Variants in RAB37 observed in about 807,000 individuals in gnomAD.
The protein encoded by RAB37 is RAB37, member RAS oncogene family.
A neutral mutation model predicts 33.1 loss-of-function variants in RAB37; 29 were observed. That is an observed-to-expected ratio of 0.88 (90% confidence interval 0.65 to 1.20). The LOEUF is 1.20. Ranked by LOEUF, RAB37 falls within the 50% of genes most tolerant of loss-of-function variation. The pLI is 0.00. For missense variants in RAB37, 299 were observed against 301.1 expected (o/e 0.99, Z 0.05); for synonymous variants, 128 against 119.5 (o/e 1.07, Z -0.47).
intron 1 of RAB37, among the ~76,000 whole-genome samples, chr17:74,722,218 G>A (rs1303995564): frequency 1.3e-5 from 2 of 151,636 alleles, no homozygotes; most frequent in Admixed American, 6.6e-5. Context: ...GGGAGGCAGA[G>A]CTTGCAGTGA....
At position 74,742,914 on chromosome 17, in the gene RAB37, C is replaced by T. The variant is rs777468099; in HGVS notation, c.247-215C>T. ...TGCTGGGATTACAGGTGTAAGCCAC[C>T]GCGCTCGGCTGAGGAGATGATTTTG... On this transcript the variant is annotated intron_variant, in intron 3 of 8. Transcript: ENST00000392613. The surrounding 1 kb of genome is among the most constrained non-coding windows in gnomAD (Gnocchi z 4.0). Among the ~76,000 whole-genome samples, 1 of 152,118 alleles carries T rather than the reference C, an allele frequency of 6.6e-6. No individual in the cohort carries two copies. The highest frequency in any genetic ancestry group is 1.5e-5 in the Non-Finnish European group (1 of 68,022).
intron 1 of RAB37, among the ~76,000 whole-genome samples, chr17:74,725,471 T>C (rs903366915): frequency 6.6e-6 from 1 of 152,108 alleles, no homozygotes; most frequent in African/African-American, 2.4e-5. Flanking sequence ...TTTGGCCATG[T>C]GGACACCTCG....
At position 74,746,347 on chromosome 17, in the gene RAB37, CGAAGTAGCT is replaced by C. The variant is rs1247719793; in HGVS notation, c.*938_*946del. The C allele has an allele frequency of 2.0e-5, 3 of 152,226 alleles. No homozygotes were observed. The highest frequency in any genetic ancestry group is 2.0e-4 in the Admixed American group (3 of 15,278). The allele number at this position is 152,226 out of a possible 1,614,324, so 9.4% of individuals were successfully genotyped here. ...CAAGCGATCCTCCCACCTCAGCCGC[CGAAGTAGCT>C]GGGACTATAGGTGTGTACCATCACA... On this transcript the variant is annotated 3_prime_UTR_variant, in exon 9 of 9. Coordinates refer to ENST00000392613, the MANE Select transcript of RAB37 (RefSeq NM_001006638.3). This position sits in a 1 kb window ranked among gnomAD's most constrained non-coding sequence, Gnocchi z 5.2.
At position 74,730,112 on chromosome 17, in the gene RAB37, C is replaced by A. The variant is rs903695458; in HGVS notation, c.183+746C>A. Among the ~76,000 whole-genome samples the A allele has an allele frequency of 2.6e-5, 4 of 152,184 alleles. No homozygotes were observed. The highest frequency in any genetic ancestry group is 5.9e-5 in the Non-Finnish European group (4 of 68,022). On this transcript the variant is annotated intron_variant, in intron 2 of 7. Transcript: ENST00000340415. This position sits in a 1 kb window ranked among gnomAD's most constrained non-coding sequence, Gnocchi z 4.4. ...CCGCGTTGTCCCGTGCCTGCGGCTGCAGCTGCCCTTGAATTCCTGGGAAGA... is the reference window on the plus strand; with the variant it reads ...CCGCGTTGTCCCGTGCCTGCGGCTGAAGCTGCCCTTGAATTCCTGGGAAGA...
At chr17:74,736,461 C>A, upstream of RAB37, 1 of 1,304,926 alleles carries the variant, frequency 7.7e-7, no homozygotes, top group Non-Finnish European at 1.0e-6. Flanking sequence ...CCTGGCAGCT[C>A]TGCTCAAAAT....
intron 1 of RAB37, among the ~76,000 whole-genome samples, chr17:74,709,502 TG>T (rs1423894123): frequency 2.0e-5 from 3 of 152,218 alleles, no homozygotes; most frequent in African/African-American, 7.2e-5. Flanking sequence ...TGCACTTTTT[TG>T]TACATTTTAT....
chr17:74,728,357 T>TTG (rs1003628034), intron 1 of RAB37, among the ~76,000 whole-genome samples: 1 of 151,532 alleles, frequency 6.6e-6, no homozygotes, highest in Non-Finnish European at 1.5e-5. Context: ...GTATTTGTGT[T>TTG]TGTGTGTGTA....
intron 1 of RAB37, chr17:74,677,448 C>G (rs2031859207): frequency 6.6e-6 from 1 of 151,968 alleles, no homozygotes; most frequent in African/African-American, 2.4e-5. Flanking sequence ...GCAAATTTGT[C>G]CTCAAAAGAA....
intron 1 of RAB37, among the ~76,000 whole-genome samples, chr17:74,716,712 A>AAG (rs372536172): frequency 0.096 from 14,315 of 149,058 alleles, 776 homozygotes; most frequent in East Asian, 0.16. Flanking sequence ...GGGGCAGAGA[A>AAG]AGAGAGAGAG....
At chr17:74,714,103 C>T (rs1220011063) in intron 1 of RAB37, among the ~76,000 whole-genome samples, 2 of 151,804 alleles carry the variant, frequency 1.3e-5, no homozygotes, top group African/African-American at 2.4e-5. Context: ...CCCAGTGACT[C>T]GGGAGGCCGA....
intron 1 of RAB37, among the ~76,000 whole-genome samples, chr17:74,692,049 G>A (rs1361986176): frequency 1.3e-5 from 2 of 151,924 alleles, no homozygotes; most frequent in African/African-American, 4.8e-5. Flanking sequence ...TGTATTTTTA[G>A]TAGAGACGGG....
At chr17:74,741,478 C>T (rs572878661) in intron 2 of RAB37, among the ~76,000 whole-genome samples, 34 of 151,248 alleles carry the variant, frequency 2.2e-4, no homozygotes, top group African/African-American at 8.3e-4. Context: ...CCCAGCTACT[C>T]GGGAGGCTGA....
Position 74,696,068 on chromosome 17 carries a change from G to A in RAB37, c.72+24410G>A. 2.3e-6 allele frequency: 3 copies of A among 1,327,202 alleles called. No individual in the cohort carries two copies. In the Admixed American group the frequency reaches 6.6e-5, roughly 29 times the overall value. The allele number at this position is 1,327,202 out of a possible 1,614,324, so 82.2% of individuals were successfully genotyped here. A position where few individuals can be genotyped will look rare whatever the true frequency, so the allele number is the denominator to read the frequency against. On this transcript the variant is annotated intron_variant, in intron 1 of 7. Coordinates refer to the RAB37 transcript ENST00000340415. ...GCCCTCAGCCCCCAGGCCCTGCAGG[G>A]TGCCATGAGGACAGGATACTTTGGC...
chr17:74,682,040 G>A (rs561865704), intron 1 of RAB37, among the ~76,000 whole-genome samples: 1 of 152,228 alleles, frequency 6.6e-6, no homozygotes, highest in Non-Finnish European at 1.5e-5. Flanking sequence ...TACATTCTAG[G>A]TCATTCCATT....
chr17:74,673,325 C>T (rs372924669), intron 1 of RAB37, among the ~76,000 whole-genome samples: 1 of 151,320 alleles, frequency 6.6e-6, no homozygotes. Flanking sequence ...ATTGCTTGAG[C>T]CTGGGAGGCA....
intron 1 of RAB37, among the ~76,000 whole-genome samples, chr17:74,706,339 T>C (rs1410670156): frequency 6.7e-6 from 1 of 148,770 alleles, no homozygotes; most frequent in Non-Finnish European, 1.5e-5. Flanking sequence ...CAACTGTGCC[T>C]GGCCTTTTTT....
At chr17:74,728,306 T>A (rs373880733) in intron 1 of RAB37, among the ~76,000 whole-genome samples, 1 of 152,100 alleles carries the variant, frequency 6.6e-6, no homozygotes, top group Admixed American at 6.6e-5. Flanking sequence ...TGTGTGTATG[T>A]GTGTGTTTGT....
chr17:74,732,146 T>C (rs2034392390), intron 2 of RAB37, among the ~76,000 whole-genome samples: 1 of 152,150 alleles, frequency 6.6e-6, no homozygotes, highest in Non-Finnish European at 1.5e-5. Flanking sequence ...TTTAGACCAG[T>C]GGTTTTCGAA....
At chr17:74,733,730 C>T (rs1029181346), upstream of RAB37, among the ~76,000 whole-genome samples, 2 of 151,914 alleles carry the variant, frequency 1.3e-5, no homozygotes, top group East Asian at 1.9e-4. Flanking sequence ...ACACGGATCC[C>T]TTAGTGAGTC....
Sources: allele counts gnomAD v4.1 joint callset (sites outside exome capture counted in the v4.1 genomes callset), GRCh38; gene constraint gnomAD v4.1.1; non-coding constraint Gnocchi (gnomAD v3.1); transcripts MANE v1.5; gene names NCBI Gene and HGNC (gene_info 2026-07-23, HGNC 2026-07-21).